The following FGL1 variants were observed in gnomAD, a reference collection of about 807,000 sequenced individuals.
The protein encoded by FGL1 is fibrinogen like 1, also known as fibrinogen-like protein 1.
In FGL1, 59 loss-of-function variants were observed where a neutral mutation model predicts 43.7. The ratio of observed to expected loss-of-function variants is 1.35; its 90% CI spans 1.10 to 1.68. FGL1 has a LOEUF of 1.68. Ranked by LOEUF, FGL1 falls within the 40% of genes most tolerant of loss-of-function variation. FGL1 has a pLI of 0.00. For synonymous variants in FGL1, 192 were observed against 126.5 expected, an observed-to-expected ratio of 1.52 and a Z score of -3.48; for missense variants, 596 against 373.0, an observed-to-expected ratio of 1.60 and a Z score of -4.92.
chr8:17,880,856 T>C (rs2053523783), intron 3 of FGL1, among the ~76,000 whole-genome samples: 2 of 152,244 alleles, frequency 1.3e-5, no homozygotes, highest in South Asian at 2.1e-4. Context: ...ATGTGTGTAA[T>C]GTGTTGCCAG....
intron 2 of FGL1, among the ~76,000 whole-genome samples, 162 bp downstream of exon 2, chr8:17,885,330 G>A (rs2053611757): frequency 6.6e-6 from 1 of 152,054 alleles, no homozygotes; most frequent in Non-Finnish European, 1.5e-5. Flanking sequence ...GCTTTAAAGT[G>A]CTGCTTTACT....
chr8:17,883,585 AC>A (rs2053582834), intron 2 of FGL1, among the ~76,000 whole-genome samples: 1 of 136,238 alleles, frequency 7.3e-6, no homozygotes, highest in African/African-American at 2.9e-5. Context: ...TACATAATAT[AC>A]GTATATATAA....
chr8:17,888,564 A>C lies in FGL1; in HGVS notation c.-17-2993T>G, dbSNP rs1411978437. On this transcript the variant is annotated intron_variant, in intron 1 of 7. Coordinates refer to ENST00000427924, the MANE Select transcript of FGL1 (RefSeq NM_004467.4). ...CGAAGACATCTGATGTTAGGAGCAA[A>C]TACATTTTCATTCCGATCCTGGGGG... 2.6e-5 allele frequency among the ~76,000 whole-genome samples: 4 copies of C among 152,316 alleles called. No homozygotes were observed. In the East Asian group the frequency reaches 7.7e-4, roughly 29 times the overall value.
chr8:17,891,609 G>A, intron 1 of FGL1: 1 of 837,728 alleles, frequency 1.2e-6, no homozygotes, highest in Non-Finnish European at 1.4e-6. Context: ...ACATGTTTTG[G>A]GGGCACAGCT....
At position 17,869,881 on chromosome 8, in the gene FGL1, G is replaced by A. The variant is rs563783315; in HGVS notation, c.503-877C>T. Among the ~76,000 whole-genome samples the A allele has an allele frequency of 4.6e-5, 7 of 152,250 alleles. No individual in the cohort carries two copies. The East Asian group carries it at 9.6e-4, about 21-fold the overall frequency. ...TCCCAGCACTTTGGGAGGCCGAGGCGGGCGGATCACGAGGTCAGGAGATAG... is the reference window on the plus strand; with the variant it reads ...TCCCAGCACTTTGGGAGGCCGAGGCAGGCGGATCACGAGGTCAGGAGATAG... On this transcript the variant is annotated intron_variant, in intron 5 of 7. Transcript: ENST00000427924.
intron 1 of FGL1, 114 bp from the exon 2 acceptor site, chr8:17,885,685 C>G (rs1224564417): frequency 5.3e-6 from 4 of 754,404 alleles, no homozygotes; most frequent in Non-Finnish European, 8.6e-6. Flanking sequence ...CATCCCTAAT[C>G]TTAGAGTCGC....
chr8:17,874,183 C>G, intron 4 of FGL1, 67 bp from the exon 5 acceptor site: 1 of 1,385,088 alleles, frequency 7.2e-7, no homozygotes, highest in Admixed American at 1.9e-5. Flanking sequence ...GACCACCACC[C>G]ACCCCCTGCT....
intron 7 of FGL1, among the ~76,000 whole-genome samples, chr8:17,866,476 T>C (rs2053271242): frequency 6.6e-6 from 1 of 152,230 alleles, no homozygotes; most frequent in South Asian, 2.1e-4. Flanking sequence ...AACTCACTGA[T>C]AGTAGGCATG....
chr8:17,893,234 A>C (rs1211470367), intron 1 of FGL1, among the ~76,000 whole-genome samples: 1 of 151,990 alleles, frequency 6.6e-6, no homozygotes, highest in African/African-American at 2.4e-5. Context: ...ACAACAAAAA[A>C]CACCTAGAGC....
intron 7 of FGL1, 143 bp downstream of exon 7, chr8:17,868,405 A>C: frequency 1.7e-6 from 1 of 590,456 alleles, no homozygotes; most frequent in Non-Finnish European, 2.5e-6. Flanking sequence ...TTCATTGCTG[A>C]AGAATTCTAA....
intron 5 of FGL1, among the ~76,000 whole-genome samples, chr8:17,870,962 C>G (rs199689143): frequency 2.3e-5 from 1 of 43,692 alleles, no homozygotes; most frequent in Non-Finnish European, 6.1e-5. Context: ...CACACCAGGA[C>G]GAGAACATCC....
At chr8:17,894,227 A>T (rs1322495742) in intron 1 of FGL1, among the ~76,000 whole-genome samples, 1 of 147,270 alleles carries the variant, frequency 6.8e-6, no homozygotes, top group East Asian at 1.9e-4. Flanking sequence ...TTGTAAAAGG[A>T]TATATAAAAG....
In FGL1 at chr8:17,885,478, C is replaced by T. The variant is rs376028403; in HGVS notation, c.63+14G>A. ...GCATTATAAATATGACAATAGTTTT[C>T]CCAAGAAGCTTACCGAAATTTCCCT... is the stretch of plus-strand genomic sequence containing the variant. On this transcript the variant is annotated intron_variant, in intron 2 of 7. Transcript: ENST00000427924. The T allele has an allele frequency of 1.6e-4, 253 of 1,598,350 alleles. No individual in the cohort carries two copies. The highest frequency in any genetic ancestry group is 2.1e-4 in the Non-Finnish European group (244 of 1,166,766).
At chr8:17,864,798 A>C in intron 7 of FGL1, 47 bp from the exon 8 acceptor site, 6 of 1,378,878 alleles carry the variant, frequency 4.4e-6, no homozygotes, top group Non-Finnish European at 5.7e-6. Context: ...AGACTGGAAA[A>C]ATATTGTTCA....
intron 1 of FGL1, among the ~76,000 whole-genome samples, chr8:17,886,369 T>G (rs556224304): frequency 6.6e-6 from 1 of 151,694 alleles, no homozygotes; most frequent in African/African-American, 2.4e-5. Context: ...AGAAAATGAG[T>G]GAAGAAAAAG....
chr8:17,873,295 A>T (rs2053392869), intron 5 of FGL1, among the ~76,000 whole-genome samples: 1 of 152,206 alleles, frequency 6.6e-6, no homozygotes, highest in African/African-American at 2.4e-5. Context: ...TTTTTTGTGG[A>T]ACCCTGCCTG....
At chr8:17,883,066 T>C (rs1352042448) in intron 2 of FGL1, among the ~76,000 whole-genome samples, 1 of 85,910 alleles carries the variant, frequency 1.2e-5, no homozygotes, top group Non-Finnish European at 1.8e-5. Context: ...TCATATGTAA[T>C]ATATTAAATA....
At chr8:17,887,151 C>A (rs1246612443) in intron 1 of FGL1, among the ~76,000 whole-genome samples, 1 of 152,082 alleles carries the variant, frequency 6.6e-6, no homozygotes, top group Admixed American at 6.5e-5. Context: ...TGCAGCCAGG[C>A]AACCGGCTCT....
At chr8:17,868,237 A>G (rs2053300130) in intron 7 of FGL1, 1 of 182,548 alleles carries the variant, frequency 5.5e-6, no homozygotes, top group Non-Finnish European at 1.1e-5. Context: ...TAGTCTCCAT[A>G]TATATACATG....
Sources: allele counts gnomAD v4.1 joint callset (sites outside exome capture counted in the v4.1 genomes callset), GRCh38; gene constraint gnomAD v4.1.1; transcripts MANE v1.5; gene names NCBI Gene and HGNC (gene_info 2026-07-23, HGNC 2026-07-21).